RTN3: variants seen among roughly 807,000 people sequenced by gnomAD.
The protein encoded by RTN3 is reticulon-3.
RTN3 carries 49 observed loss-of-function variants against 77.8 expected under a neutral mutation model. The ratio of observed to expected loss-of-function variants is 0.63; its 90% CI spans 0.50 to 0.80. RTN3 has a LOEUF of 0.80. Among genes scored for constraint, RTN3 ranks in the 30% least tolerant of loss-of-function variants. The pLI is 0.00. For missense variants in RTN3, 1,236 were observed against 1,211.9 expected (o/e 1.02, Z -0.29); for synonymous variants, 464 against 446.9 (o/e 1.04, Z -0.48).
intron 3 of RTN3, chr11:63,747,070 G>T (rs1353296222): frequency 2.2e-6 from 1 of 455,098 alleles, no homozygotes; most frequent in African/African-American, 2.0e-5. Context: ...CATTTTTGAA[G>T]ACTATAGGCC....
rs1429903423 is a variant in RTN3, at chr11:63,720,582, C to T, written c.2080C>T (p.His694Tyr). The change falls in exon 3 of 9, where the codon CAT becomes TAT. Residue 694 changes from histidine to tyrosine, a missense_variant. His to Tyr is a moderately conservative substitution (Grantham distance 83). Around this residue, in one of 3 missense-constraint regions of RTN3, gnomAD observed 1,056 missense variants for 990.4 expected, o/e 1.07. Transcript: ENST00000377819. The part of the protein sequence containing the change: ...FKTTPPVEVL[H>Y]ENESGGSEIK... ...AACAACTCCTCCTGTAGAAGTCTTACATGAAAATGAGTCCGGTGGTTCTGA... is the reference window on the plus strand; with the variant it reads ...AACAACTCCTCCTGTAGAAGTCTTATATGAAAATGAGTCCGGTGGTTCTGA... 6.2e-7 allele frequency: 1 copy of T among 1,614,012 alleles called. No individual in the cohort carries two copies. Among genetic ancestry groups the T allele is most frequent in the Non-Finnish European group, 8.5e-7 (1 of 1,179,986 alleles).
chr11:63,741,150 A>G (rs1048497008), intron 3 of RTN3, among the ~76,000 whole-genome samples: 15 of 152,120 alleles, frequency 9.9e-5, no homozygotes, highest in African/African-American at 3.6e-4. Context: ...GAAGCCAGGA[A>G]GCATTAAGGG....
intron 3 of RTN3, among the ~76,000 whole-genome samples, chr11:63,727,746 A>G (rs1468771979): frequency 6.6e-6 from 1 of 152,176 alleles, no homozygotes; most frequent in African/African-American, 2.4e-5. Flanking sequence ...AGGCCGAGGC[A>G]GGAGGATCAC....
intron 1 of RTN3, among the ~76,000 whole-genome samples, chr11:63,704,089 G>C (rs780206988): frequency 1.7e-4 from 26 of 151,698 alleles, no homozygotes; most frequent in Non-Finnish European, 3.4e-4. Context: ...TGCAAACTCT[G>C]CCTCCTGGGT....
rs1447835040 is a variant in RTN3 at position 63,721,047 on chromosome 11, T to C, written c.2530+15T>C. ...AGACTTCTCAGGTAACCATTTATAT[T>C]AGAATACTGCATGTGGTTAATTCTG... On this transcript the variant is annotated intron_variant, in intron 3 of 8. Coordinates refer to ENST00000377819, the MANE Select transcript of RTN3 (RefSeq NM_001265589.2). 6.4e-7 allele frequency: 1 copy of C among 1,563,174 alleles called. No individual in the cohort carries two copies.
At chr11:63,739,616 T>C (rs1056403260) in intron 3 of RTN3, among the ~76,000 whole-genome samples, 1 of 152,196 alleles carries the variant, frequency 6.6e-6, no homozygotes, top group Non-Finnish European at 1.5e-5. Context: ...CAAGCAATAA[T>C]TTGTCCATAG....
intron 3 of RTN3, among the ~76,000 whole-genome samples, chr11:63,742,984 G>A (rs1169202493): frequency 2.6e-5 from 4 of 152,192 alleles, no homozygotes; most frequent in South Asian, 2.1e-4. Context: ...GGGTTCAAGC[G>A]ATTCTTCTGC....
chr11:63,718,869 G>C lies in RTN3; in HGVS notation c.367G>C (p.Asp123His). The change falls in exon 3 of 9, where the codon GAT becomes CAT. Residue 123 changes from aspartate (D) to histidine (H), a missense_variant. Around this residue, in one of 3 missense-constraint regions of RTN3, gnomAD observed 1,056 missense variants for 990.4 expected, o/e 1.07. Coordinates refer to ENST00000377819, the MANE Select transcript of RTN3 (RefSeq NM_001265589.2). ...ILAKEGKDHL[D>H]LLDMKKMEKP... ...AGCCAAAGAAGGAAAAGACCACTTG[G>C]ATCTTCTAGATATGAAAAAGATGGA... is the stretch of plus-strand genomic sequence containing the variant. 1 of 1,613,982 alleles carries C rather than the reference G, an allele frequency of 6.2e-7. No homozygotes were observed. The highest frequency in any genetic ancestry group is 8.5e-7 in the Non-Finnish European group (1 of 1,179,996).
chr11:63,748,124 C>T (rs2013901608), intron 3 of RTN3, among the ~76,000 whole-genome samples: 1 of 151,280 alleles, frequency 6.6e-6, no homozygotes, highest in African/African-American at 2.4e-5. Context: ...ACCAGCCTGG[C>T]CAATATGGTG....
intron 3 of RTN3, among the ~76,000 whole-genome samples, chr11:63,732,593 A>G (rs2012774010): frequency 6.6e-6 from 1 of 152,182 alleles, no homozygotes; most frequent in African/African-American, 2.4e-5. Context: ...TATTATGAAC[A>G]ATTTTATGCC....
rs770241129 is a variant in RTN3, at chr11:63,756,097, T to C, written c.2995-15T>C. ...TGTATGTTACCACAACTGAATTTAT[T>C]TTCCTTCCTTAAAGACCCAGATTGA... On this transcript the variant is annotated splice_polypyrimidine_tract_variant and intron_variant, in intron 7 of 8. Coordinates refer to ENST00000377819, the MANE Select transcript of RTN3 (RefSeq NM_001265589.2). 1.1e-5 allele frequency: 17 copies of C among 1,603,346 alleles called. No individual in the cohort carries two copies. The South Asian group carries it at 1.9e-4, about 18-fold the overall frequency.
At position 63,758,198 on chromosome 11, in the gene RTN3, A is replaced by C. The variant is rs914736621; in HGVS notation, c.3096A>C (p.Glu1032Asp). 6.2e-7 allele frequency: 1 copy of C among 1,613,370 alleles called. No homozygotes were observed. Residue 1032 changes from glutamate (E) to aspartate (D), a missense_variant, in exon 9 of 9, where the codon GAA (glutamate) becomes GAC (aspartate). By Grantham distance (45) the Glu-to-Asp change is conservative (BLOSUM62 2). Transcript: ENST00000377819. ...CTGGAATCGCCAAAAAAAAGGCAGA[A>C]TAAGTACATGGAAACCAGAAATGCA... ...KLPGIAKKKA[E>D]
intron 1 of RTN3, among the ~76,000 whole-genome samples, chr11:63,693,493 A>G (rs1941773940): frequency 6.6e-6 from 1 of 152,176 alleles, no homozygotes; most frequent in African/African-American, 2.4e-5. Context: ...TCAAAAAAAA[A>G]AAGTATTGCA....
chr11:63,729,091 C>T (rs1298753558), intron 3 of RTN3, among the ~76,000 whole-genome samples: 1 of 150,994 alleles, frequency 6.6e-6, no homozygotes, highest in Non-Finnish European at 1.5e-5. Context: ...ACAAAAAAAA[C>T]AAAAAAACTG....
intron 7 of RTN3, among the ~76,000 whole-genome samples, chr11:63,754,564 G>T (rs1324811262): frequency 6.6e-6 from 1 of 151,910 alleles, no homozygotes; most frequent in East Asian, 1.9e-4. Flanking sequence ...GTCGGGTGTG[G>T]TGGCAGGCGC....
intron 2 of RTN3, among the ~76,000 whole-genome samples, chr11:63,715,714 G>A (rs2011358465): frequency 6.6e-6 from 1 of 152,142 alleles, no homozygotes; most frequent in African/African-American, 2.4e-5. Context: ...CCCCTGTGGG[G>A]TGGAGTCAGT....
At position 63,681,745 on chromosome 11, in the gene RTN3, C is replaced by T; in HGVS notation, c.109C>T (p.Leu37=). 6.2e-7 allele frequency: 1 copy of T among 1,605,608 alleles called. No homozygotes were observed. Among genetic ancestry groups the T allele is most frequent in the Non-Finnish European group, 8.5e-7 (1 of 1,177,668 alleles). Residue 37 remains leucine, a synonymous_variant, in exon 1 of 9, where the codon CTG becomes TTG. Transcript: ENST00000377819. ...GGGSPGACPA[L]GTKSCSSSCA... Reference sequence around the variant, plus strand: ...CGGGAGCCCAGGAGCCTGCCCCGCCCTGGGGACGAAGAGCTGCAGCTCCTC... The same window carrying T: ...CGGGAGCCCAGGAGCCTGCCCCGCCTTGGGGACGAAGAGCTGCAGCTCCTC...
chr11:63,706,852 T>C (rs1183693219), intron 2 of RTN3, among the ~76,000 whole-genome samples: 2 of 151,996 alleles, frequency 1.3e-5, no homozygotes, highest in Non-Finnish European at 2.9e-5. Context: ...TTCAGATCTT[T>C]AAGAATACGT....
At chr11:63,716,675 T>C (rs1201960903) in intron 2 of RTN3, among the ~76,000 whole-genome samples, 3 of 151,990 alleles carry the variant, frequency 2.0e-5, no homozygotes, top group African/African-American at 7.3e-5. Flanking sequence ...GTAGAAAGTT[T>C]AAAAATCAGG....
Sources: gnomAD v4.1 joint callset for allele counts (sites outside exome capture counted in the v4.1 genomes callset) on GRCh38, gnomAD v4.1.1 for gene constraint, gnomAD v4.1.1 regional missense constraint, MANE v1.5 for transcripts, NCBI Gene and HGNC (gene_info 2026-07-23, HGNC 2026-07-21) for gene names.